The following CAPRIN2 variants were observed in gnomAD, a reference collection of about 807,000 sequenced individuals.
CAPRIN2 encodes the protein caprin-2.
A neutral mutation model predicts 130.4 loss-of-function variants in CAPRIN2; 66 were observed. The observed-to-expected ratio is 0.51, with a 90% CI of 0.42 to 0.62. The LOEUF (loss-of-function observed/expected upper bound fraction) is 0.62. Among genes scored for constraint, CAPRIN2 ranks in the 20% least tolerant of loss-of-function variants. CAPRIN2 has a pLI of 0.00. For synonymous variants in CAPRIN2, 471 were observed against 444.1 expected (o/e 1.06, Z -0.76); for missense variants, 1,185 against 1,246.6 (o/e 0.95, Z 0.74).
intron 8 of CAPRIN2, among the ~76,000 whole-genome samples, chr12:30,727,452 A>G (rs1354023688): frequency 6.6e-6 from 1 of 152,210 alleles, no homozygotes; most frequent in Admixed American, 6.5e-5. Flanking sequence ...TAGAGGTCCA[A>G]TGGTTTATCA....
exon 8 of CAPRIN2, chr12:30,729,293 A>G (rs936683795): frequency 1.9e-6 from 3 of 1,588,742 alleles, no homozygotes; most frequent in Non-Finnish European, 1.7e-6. Context: ...TGTTTGAATA[A>G]TCTACTTCTG....
intron 8 of CAPRIN2, among the ~76,000 whole-genome samples, chr12:30,726,921 CAAGA>C (rs1484847766): frequency 6.6e-6 from 1 of 152,080 alleles, no homozygotes; most frequent in East Asian, 1.9e-4. Flanking sequence ...GCTCAGATTC[CAAGA>C]AAGACAGAAA....
intron 3 of CAPRIN2, among the ~76,000 whole-genome samples, chr12:30,739,714 CAAAA>C (rs370274976): frequency 1.8e-5 from 2 of 113,724 alleles, no homozygotes. Flanking sequence ...GACTCCGTCT[CAAAA>C]AAAAAAAAAA....
chr12:30,731,712 T>C (rs1285958558), intron 5 of CAPRIN2, among the ~76,000 whole-genome samples: 2 of 152,056 alleles, frequency 1.3e-5, no homozygotes, highest in East Asian at 3.8e-4. Context: ...GAAAAGTAAA[T>C]ATGCAGTCCA....
At chr12:30,720,530 T>A (rs567347213) in intron 12 of CAPRIN2, 24 of 234,014 alleles carry the variant, frequency 1.0e-4, no homozygotes, top group African/African-American at 4.7e-4. Context: ...GTAAATATAG[T>A]GGAAAACTTG....
At chr12:30,729,663 T>C (rs779702342) in intron 7 of CAPRIN2, among the ~76,000 whole-genome samples, 10 of 152,238 alleles carry the variant, frequency 6.6e-5, no homozygotes, top group Admixed American at 2.6e-4. Context: ...TTCTCCCCAG[T>C]TGACTCCCTC....
At chr12:30,711,504 G>A in intron 16 of CAPRIN2, 62 bp downstream of exon 18, 4 of 1,269,958 alleles carry the variant, frequency 3.1e-6, no homozygotes, top group African/African-American at 2.9e-5. Flanking sequence ...ACTTGGTAGA[G>A]GATGCAGAAA....
intron 11 of CAPRIN2, 70 bp downstream of exon 12, chr12:30,723,189 G>A (rs1592034953): frequency 3.7e-6 from 4 of 1,068,390 alleles, no homozygotes; most frequent in Non-Finnish European, 5.8e-6. Context: ...CAGTAAGTCT[G>A]ATTATTCTTT....
intron 2 of CAPRIN2, 56 bp downstream of exon 3, chr12:30,751,015 G>GT: frequency 7.8e-7 from 1 of 1,289,158 alleles, no homozygotes; most frequent in South Asian, 1.2e-5. Flanking sequence ...AATCCATGTA[G>GT]TTTTATTAAG....
At chr12:30,718,983 C>A in intron 12 of CAPRIN2, 96 bp downstream of exon 14, 1 of 1,386,842 alleles carries the variant, frequency 7.2e-7, no homozygotes, top group South Asian at 1.7e-5. Context: ...TTACAAAAGG[C>A]AAACTTTTCA....
intron 2 of CAPRIN2, among the ~76,000 whole-genome samples, chr12:30,745,415 G>A (rs1690476352): frequency 6.6e-6 from 1 of 152,220 alleles, no homozygotes. Context: ...TATTTGAAAA[G>A]AGAAACCTAT....
intron 13 of CAPRIN2, 68 bp downstream of exon 15, chr12:30,716,440 C>T: frequency 4.2e-6 from 6 of 1,413,042 alleles, no homozygotes; most frequent in Non-Finnish European, 5.0e-6. Flanking sequence ...TACAGACTTC[C>T]TAGACTTGCT....
intron 15 of CAPRIN2, among the ~76,000 whole-genome samples, chr12:30,712,866 T>C (rs1422327316): frequency 6.7e-6 from 1 of 149,956 alleles, no homozygotes; most frequent in Non-Finnish European, 1.5e-5. Flanking sequence ...CTCAGCCTCC[T>C]GAGTAGCTGG....
intron 2 of CAPRIN2, among the ~76,000 whole-genome samples, chr12:30,745,030 G>C (rs374168229): frequency 5.3e-5 from 8 of 152,192 alleles, no homozygotes; most frequent in Non-Finnish European, 1.2e-4. Flanking sequence ...ACTAGGAAGC[G>C]TATGTAAAGT....
intron 12 of CAPRIN2, 78 bp from the exon 15 acceptor site, chr12:30,716,754 ACATT>A: frequency 7.8e-7 from 1 of 1,282,310 alleles, no homozygotes; most frequent in Non-Finnish European, 1.1e-6. Flanking sequence ...GCAAAATTGT[ACATT>A]CAAAAACTTC....
intron 3 of CAPRIN2, among the ~76,000 whole-genome samples, chr12:30,740,303 GAAAAT>G (rs2066851392): frequency 1.3e-5 from 2 of 151,910 alleles, no homozygotes; most frequent in African/African-American, 4.8e-5. Flanking sequence ...TTTTTTTAAT[GAAAAT>G]ATCCAAAAAA....
chr12:30,732,098 G>A (rs954694680), intron 5 of CAPRIN2, among the ~76,000 whole-genome samples: 5 of 151,900 alleles, frequency 3.3e-5, no homozygotes, highest in Non-Finnish European at 7.4e-5. Context: ...TACAAACTCT[G>A]AAGTATTTTT....
At chr12:30,716,741 C>A in intron 12 of CAPRIN2, 65 bp from the exon 15 acceptor site, 2 of 1,462,870 alleles carry the variant, frequency 1.4e-6, no homozygotes, top group Middle Eastern at 1.8e-4. Flanking sequence ...AGGGTGGTAT[C>A]CAGCAAAATT....
intron 1 of CAPRIN2, chr12:30,751,362 A>C: frequency 1.9e-6 from 1 of 522,750 alleles, no homozygotes; most frequent in Non-Finnish European, 3.5e-6. Flanking sequence ...AGCAGTAATA[A>C]AACTATTTTC....
Sources: allele counts gnomAD v4.1 joint callset (sites outside exome capture counted in the v4.1 genomes callset), GRCh38; gene constraint gnomAD v4.1.1; transcripts MANE v1.5; gene names NCBI Gene and HGNC (gene_info 2026-07-23, HGNC 2026-07-21).